USP3: variants seen among roughly 807,000 people sequenced by gnomAD.
USP3 encodes the protein ubiquitin specific peptidase 3, also known as ubiquitin carboxyl-terminal hydrolase 3.
In USP3, 20 loss-of-function variants were observed where a neutral mutation model predicts 72.3. That is an observed-to-expected ratio of 0.28 (90% confidence interval 0.19 to 0.40). The LOEUF (loss-of-function observed/expected upper bound fraction) is 0.40. Among genes scored for constraint, USP3 ranks in the 10% least tolerant of loss-of-function variants. The probability of loss-of-function intolerance (pLI) is 1.00; values close to 1 mark genes in which losing one functional copy is unlikely to be tolerated. For missense variants in USP3, 479 were observed against 633.9 expected, an observed-to-expected ratio of 0.76 and a Z score of 2.62; for synonymous variants, 222 against 225.3, an observed-to-expected ratio of 0.99 and a Z score of 0.13.
chr15:63,556,470 G>A (rs1267014209), intron 4 of USP3, 197 bp from the exon 5 acceptor site: 1 of 441,748 alleles, frequency 2.3e-6, no homozygotes. Context: ...ACCTCTGCTG[G>A]AGGAGCAATG....
At chr15:63,558,021 T>A in intron 5 of USP3, 85 bp from the exon 6 acceptor site, 1 of 1,436,720 alleles carries the variant, frequency 7.0e-7, no homozygotes, top group Non-Finnish European at 9.8e-7. Context: ...GTGCTAGATT[T>A]CAGAGGCCTT....
chr15:63,590,720 A>G lies in USP3; in HGVS notation c.1457A>G (p.Asn486Ser), dbSNP rs141953426. 4.1e-5 allele frequency: 66 copies of G among 1,613,980 alleles called. No individual in the cohort carries two copies. The highest frequency in any genetic ancestry group is 5.3e-5 in the Non-Finnish European group (62 of 1,179,924). ...ATHEGRWFHFNDSTVTLTDEE... is the reference protein window; with the variant it reads ...ATHEGRWFHFSDSTVTLTDEE... The stretch of plus-strand genomic sequence containing the variant: ...CACGAAGGCCGCTGGTTCCACTTCA[A>G]TGACAGTACTGTAACACTGACTGAC... The change falls in exon 15 of 15, where the codon AAT (asparagine) becomes AGT (serine). Residue 486 changes from asparagine to serine, a missense_variant. Transcript: ENST00000380324.
Position 63,556,762 on chromosome 15 carries a change from A to T in USP3, c.450+14A>T. 1.3e-6 allele frequency: 2 copies of T among 1,501,626 alleles called. No individual in the cohort carries two copies. The highest frequency in any genetic ancestry group is 1.8e-6 in the Non-Finnish European group (2 of 1,099,474). 93.0% of individuals were successfully genotyped at this position (1,501,626 alleles called of 1,614,324 possible). On this transcript the variant is annotated intron_variant, in intron 5 of 14. Transcript: ENST00000380324. Reference sequence around the variant, plus strand: ...TTAAAAGTAAATGTAAGTAATTAAAATTTATTCAAATATAAGAGTTAGTTG... The same window carrying T: ...TTAAAAGTAAATGTAAGTAATTAAATTTTATTCAAATATAAGAGTTAGTTG...
chr15:63,520,612 G>C (rs181733869), intron 1 of USP3, among the ~76,000 whole-genome samples: 1 of 137,986 alleles, frequency 7.2e-6, no homozygotes, highest in African/African-American at 2.8e-5. Context: ...TCCCCAGGCC[G>C]GAGTGCAATG....
intron 3 of USP3, among the ~76,000 whole-genome samples, chr15:63,539,945 A>G (rs892066663): frequency 6.6e-5 from 10 of 152,288 alleles, no homozygotes; most frequent in African/African-American, 1.9e-4. Flanking sequence ...CAGATTTCCT[A>G]TTTCTGTGTG....
rs1362574334 is a variant in USP3 at position 63,553,498 on chromosome 15, C to T, written c.285-217C>T. 2.6e-6 allele frequency: 1 copy of T among 380,988 alleles called. No individual in the cohort carries two copies. Among genetic ancestry groups the T allele is most frequent in the South Asian group, 7.6e-5 (1 of 13,140 alleles). The allele number at this position is 380,988 out of a possible 1,614,324, so 23.6% of individuals were successfully genotyped here. Reference sequence around the variant, plus strand: ...AATTGAAGAGCTTTTGAGTAAAAAACGTGAAAAGAAGCTCATGTTCATTGC... The same window carrying T: ...AATTGAAGAGCTTTTGAGTAAAAAATGTGAAAAGAAGCTCATGTTCATTGC... On this transcript the variant is annotated intron_variant, in intron 3 of 14. Coordinates refer to ENST00000380324, the MANE Select transcript of USP3 (RefSeq NM_006537.4). This position sits in a 1 kb window ranked among gnomAD's most constrained non-coding sequence, Gnocchi z 4.2.
chr15:63,583,182 A>C (rs12917556), intron 11 of USP3, among the ~76,000 whole-genome samples: 2 of 152,176 alleles, frequency 1.3e-5, no homozygotes, highest in Admixed American at 1.3e-4. Flanking sequence ...TAGGTAGCAC[A>C]GGCAACAATG....
chr15:63,564,519 A>G (rs937223162), intron 8 of USP3, among the ~76,000 whole-genome samples: 1 of 152,212 alleles, frequency 6.6e-6, no homozygotes, highest in Non-Finnish European at 1.5e-5. Context: ...TAGAAACATT[A>G]TCATATTTTA....
At chr15:63,539,254 A>C (rs1042835689) in intron 3 of USP3, among the ~76,000 whole-genome samples, 6 of 152,120 alleles carry the variant, frequency 3.9e-5, no homozygotes, top group African/African-American at 1.4e-4. Context: ...TATCTGTCTC[A>C]CATTGTCATG....
rs113722427 is a variant in USP3 at position 63,566,103 on chromosome 15, G to T, written c.761+3095G>T. Among the ~76,000 whole-genome samples, 528 of 152,186 alleles carry T rather than the reference G, an allele frequency of 3.5e-3. 5 individuals carry two copies. The highest frequency in any genetic ancestry group is 0.012 in the African/African-American group (503 of 41,496). On this transcript the variant is annotated intron_variant, in intron 8 of 14. Coordinates refer to ENST00000380324, the MANE Select transcript of USP3 (RefSeq NM_006537.4). ...TTGATGATTCAAATCAGGTCTTTCT[G>T]TACAACCTGATTTAATATATTTGTC...
At chr15:63,525,300 C>T (rs1013298222) in intron 1 of USP3, among the ~76,000 whole-genome samples, 2 of 152,178 alleles carry the variant, frequency 1.3e-5, no homozygotes, top group African/African-American at 4.8e-5. Flanking sequence ...CTGGTCTCCT[C>T]CCCAGTATCA....
chr15:63,550,658 CTT>C (rs1285481506), intron 3 of USP3, among the ~76,000 whole-genome samples: 5 of 152,186 alleles, frequency 3.3e-5, no homozygotes, highest in Non-Finnish European at 7.4e-5. Flanking sequence ...ATACTTGTAA[CTT>C]TTCAAATGCT....
At chr15:63,520,821 C>T (rs375357544) in intron 1 of USP3, among the ~76,000 whole-genome samples, 12 of 152,130 alleles carry the variant, frequency 7.9e-5, no homozygotes, top group East Asian at 5.8e-4. Context: ...CCTTGGCCTC[C>T]CAAAGTGCTA....
Position 63,588,574 on chromosome 15 carries a change from A to C in USP3, c.1216-128A>C. 1 of 919,226 alleles carries C rather than the reference A, an allele frequency of 1.1e-6. No individual in the cohort carries two copies. The highest frequency in any genetic ancestry group is 1.6e-5 in the South Asian group (1 of 62,892). The allele number at this position is 919,226 out of a possible 1,614,324, so 56.9% of individuals were successfully genotyped here. A position where few individuals can be genotyped will look rare whatever the true frequency, so the allele number is the denominator to read the frequency against. On this transcript the variant is annotated intron_variant, in intron 12 of 14. Transcript: ENST00000380324. The surrounding 1 kb of genome is among the most constrained non-coding windows in gnomAD (Gnocchi z 4.6). ...TAAACCCCTTACAGAATGAATGCAT[A>C]AGGTATGCATGGAAGAATGATTGAT... is the stretch of plus-strand genomic sequence containing the variant.
intron 11 of USP3, among the ~76,000 whole-genome samples, chr15:63,585,128 T>G (rs977770048): frequency 2.0e-5 from 3 of 152,214 alleles, no homozygotes; most frequent in African/African-American, 7.2e-5. Flanking sequence ...TTGATTACTA[T>G]ACCTTTGTAG....
intron 4 of USP3, among the ~76,000 whole-genome samples, chr15:63,554,006 T>G (rs562146880): frequency 2.5e-4 from 38 of 152,320 alleles, no homozygotes; most frequent in Non-Finnish European, 4.1e-4. Context: ...TATTTAATAT[T>G]TGTCATAAAC....
chr15:63,536,907 T>C lies in USP3; in HGVS notation c.153-118T>C, dbSNP rs2152661501. On this transcript the variant is annotated intron_variant, in intron 2 of 14. Transcript: ENST00000380324. The stretch of plus-strand genomic sequence containing the variant: ...TTCAGTATAATAAATCACTACATGA[T>C]TGACTGCTGTTATAGGATTTCTTTA... 1.2e-5 allele frequency: 13 copies of C among 1,091,122 alleles called. No homozygotes were observed. In the South Asian group the frequency reaches 2.2e-4, roughly 18 times the overall value. The allele number at this position is 1,091,122 out of a possible 1,614,324, so 67.6% of individuals were successfully genotyped here.
intron 11 of USP3, among the ~76,000 whole-genome samples, chr15:63,575,545 G>A (rs1309235003): frequency 6.6e-6 from 1 of 152,168 alleles, no homozygotes; most frequent in African/African-American, 2.4e-5. Flanking sequence ...CTCCAGTAAG[G>A]AACCAGAGCA....
chr15:63,530,803 C>T (rs930125659), intron 1 of USP3, among the ~76,000 whole-genome samples: 5 of 152,148 alleles, frequency 3.3e-5, no homozygotes, highest in Non-Finnish European at 2.9e-5. Context: ...ACATCATATT[C>T]TCATTGCTGT....
Sources: gnomAD v4.1 joint callset for allele counts (sites outside exome capture counted in the v4.1 genomes callset) on GRCh38, gnomAD v4.1.1 for gene constraint, Gnocchi (gnomAD v3.1) non-coding constraint, MANE v1.5 for transcripts, NCBI Gene and HGNC (gene_info 2026-07-23, HGNC 2026-07-21) for gene names.